The following TTC39C variants were observed in gnomAD, a reference collection of about 807,000 sequenced individuals.
The protein encoded by TTC39C is tetratricopeptide repeat domain 39C, also known as tetratricopeptide repeat protein 39C.
Under a neutral mutation model 76.3 loss-of-function variants are expected in TTC39C, and 33 were observed. That is an observed-to-expected ratio of 0.43 (90% CI 0.33 to 0.58). The LOEUF is 0.58. TTC39C is among the 20% of genes least tolerant of loss of function. The pLI is 0.04. For synonymous variants in TTC39C, 254 were observed against 260.6 expected, an observed-to-expected ratio of 0.97 and a Z score of 0.24; for missense variants, 595 against 701.4, an observed-to-expected ratio of 0.85 and a Z score of 1.71.
chr18:24,130,055 CAATAGAGGCT>C (rs1220228287), intron 11 of TTC39C, among the ~76,000 whole-genome samples: 2 of 152,092 alleles, frequency 1.3e-5, no homozygotes, highest in Non-Finnish European at 2.9e-5. Context: ...GTGATAAAAT[CAATAGAGGCT>C]AATATGTCCC....
Position 24,130,317 on chromosome 18 carries a change from TC to T in TTC39C, c.1525del (p.Gln509SerfsTer29). The T allele has an allele frequency of 1.3e-6, 2 of 1,558,858 alleles. No homozygotes were observed. The highest frequency in any genetic ancestry group is 1.7e-6 in the Non-Finnish European group (2 of 1,145,858). ...LGNSEDAVQYFQRAVKDELCR... is the reference protein window; with the variant it reads ...LGNSEDAVQYXQRAVKDELCR... Reference sequence around the variant, plus strand: ...TAACATTTGCATTCCTTTCAGTACTTCCAGCGAGCTGTTAAAGATGAATTGT... The same window carrying T: ...TAACATTTGCATTCCTTTCAGTACTTCAGCGAGCTGTTAAAGATGAATTGT... On this transcript the variant is annotated frameshift_variant, in exon 12 of 14. Coordinates refer to ENST00000317571, the MANE Select transcript of TTC39C (RefSeq NM_001135993.2). LOFTEE classifies it high-confidence loss of function.
chr18:24,116,271 G>T (rs1446625681), intron 7 of TTC39C, among the ~76,000 whole-genome samples: 4 of 152,226 alleles, frequency 2.6e-5, no homozygotes, highest in Non-Finnish European at 4.4e-5. Context: ...GGCCGGGCAC[G>T]GTGGCCCACG....
At chr18:24,087,670 C>T (rs1029477695) in intron 6 of TTC39C, among the ~76,000 whole-genome samples, 5 of 150,948 alleles carry the variant, frequency 3.3e-5, no homozygotes, top group Non-Finnish European at 7.4e-5. Flanking sequence ...CTGCAACCTC[C>T]GCCTCCCGGG....
intron 1 of TTC39C, among the ~76,000 whole-genome samples, chr18:24,044,270 G>C (rs781288981): frequency 6.6e-6 from 1 of 152,154 alleles, no homozygotes; most frequent in East Asian, 1.9e-4. Context: ...GCGAGGCAAA[G>C]ATCAGTGATG....
At chr18:24,120,479 C>A (rs1395422560) in intron 8 of TTC39C, among the ~76,000 whole-genome samples, 2 of 152,208 alleles carry the variant, frequency 1.3e-5, no homozygotes, top group Admixed American at 1.3e-4. Flanking sequence ...CAGGGCTTAG[C>A]TCCCCAGCAT....
At chr18:24,112,480 G>T (rs2145806233) in intron 6 of TTC39C, among the ~76,000 whole-genome samples, 1 of 152,302 alleles carries the variant, frequency 6.6e-6, no homozygotes, top group South Asian at 2.1e-4. Flanking sequence ...CTACCTCAGA[G>T]AGTTTGAAAG....
intron 1 of TTC39C, among the ~76,000 whole-genome samples, chr18:24,048,923 A>T (rs1778757106): frequency 6.6e-6 from 1 of 152,240 alleles, no homozygotes; most frequent in Non-Finnish European, 1.5e-5. Context: ...TTAAATTGGT[A>T]AAATTTAACA....
rs749166969 is a variant in TTC39C, at chr18:24,072,592, C to T, written c.460+3321C>T. On this transcript the variant is annotated intron_variant, in intron 4 of 13. Coordinates refer to ENST00000317571, the MANE Select transcript of TTC39C (RefSeq NM_001135993.2). ...GATTGCAGGCATGGGCCACCGTGCCCGGTCAATGCTTCTTACTTTTAAAAA... is the reference window on the plus strand; with the variant it reads ...GATTGCAGGCATGGGCCACCGTGCCTGGTCAATGCTTCTTACTTTTAAAAA... Among the ~76,000 whole-genome samples the T allele has an allele frequency of 5.9e-5, 9 of 152,286 alleles. No individual in the cohort carries two copies. The East Asian group carries it at 9.6e-4, about 16-fold the overall frequency.
chr18:23,995,249 C>A (rs2083252046), intron 1 of TTC39C, among the ~76,000 whole-genome samples: 1 of 152,144 alleles, frequency 6.6e-6, no homozygotes. Context: ...GGGTGGATCA[C>A]TTGAGGTCAG....
intron 6 of TTC39C, among the ~76,000 whole-genome samples, chr18:24,105,759 C>T (rs529996628): frequency 3.3e-4 from 51 of 152,336 alleles, no homozygotes; most frequent in Non-Finnish European, 5.9e-4. Flanking sequence ...TTGGTGTCTT[C>T]GTTTCCCACG....
chr18:24,051,003 C>T (rs955460492), intron 1 of TTC39C, among the ~76,000 whole-genome samples: 1 of 151,968 alleles, frequency 6.6e-6, no homozygotes, highest in Non-Finnish European at 1.5e-5. Context: ...TACGTGTGTG[C>T]TAGAAACGCA....
chr18:24,024,089 T>C (rs1364412856), intron 1 of TTC39C, among the ~76,000 whole-genome samples: 11 of 142,580 alleles, frequency 7.7e-5, no homozygotes, highest in Admixed American at 6.4e-4. Flanking sequence ...CTTGGCTCAC[T>C]GCAACCTCCA....
At chr18:24,018,746 T>C (rs571734819) in intron 1 of TTC39C, among the ~76,000 whole-genome samples, 1 of 152,084 alleles carries the variant, frequency 6.6e-6, no homozygotes, top group African/African-American at 2.4e-5. Flanking sequence ...GTGGTGAGGT[T>C]TAAACGGAAA....
chr18:24,106,771 A>T (rs2084749317), intron 6 of TTC39C, among the ~76,000 whole-genome samples: 1 of 151,896 alleles, frequency 6.6e-6, no homozygotes, highest in African/African-American at 2.4e-5. Flanking sequence ...TGCAACCTCC[A>T]CCTCCTGGGT....
At position 24,123,820 on chromosome 18, in the gene TTC39C, A is replaced by G. The variant is rs750773176; in HGVS notation, c.1187-14A>G. 1 of 1,578,538 alleles carries G rather than the reference A, an allele frequency of 6.3e-7. No homozygotes were observed. Among genetic ancestry groups the G allele is most frequent in the Non-Finnish European group, 8.6e-7 (1 of 1,157,606 alleles). The stretch of plus-strand genomic sequence containing the variant: ...TGACTTGTACTTAAGAAATATAATT[A>G]TGGTTTCTTACAGTTTGTCAGGGAG... On this transcript the variant is annotated splice_polypyrimidine_tract_variant and intron_variant, in intron 8 of 13. Coordinates refer to ENST00000317571, the MANE Select transcript of TTC39C (RefSeq NM_001135993.2).
chr18:24,022,533 TC>T, intron 1 of TTC39C: 2 of 984,830 alleles, frequency 2.0e-6, no homozygotes, highest in Middle Eastern at 5.2e-4. Context: ...TATCTACCTC[TC>T]TTACAGAACT....
chr18:24,006,228 G>A (rs1290195745), intron 1 of TTC39C: 2 of 152,038 alleles, frequency 1.3e-5, no homozygotes, highest in African/African-American at 4.8e-5. Flanking sequence ...GCTCAGGCTG[G>A]TCTCAAACTC....
At chr18:24,125,269 C>T (rs2085034702) in intron 9 of TTC39C, among the ~76,000 whole-genome samples, 158 bp from the exon 10 acceptor site, 1 of 152,176 alleles carries the variant, frequency 6.6e-6, no homozygotes, top group African/African-American at 2.4e-5. Context: ...AAATTGAAAG[C>T]AACATTTTTT....
chr18:24,061,581 A>G (rs1331811946), intron 1 of TTC39C, among the ~76,000 whole-genome samples: 1 of 120,948 alleles, frequency 8.3e-6, no homozygotes, highest in Non-Finnish European at 1.7e-5. Flanking sequence ...ACTTAGGATC[A>G]CTTGAAATAA....
Sources: gnomAD v4.1 joint callset for allele counts (sites outside exome capture counted in the v4.1 genomes callset) on GRCh38, gnomAD v4.1.1 for gene constraint, MANE v1.5 for transcripts, NCBI Gene and HGNC (gene_info 2026-07-23, HGNC 2026-07-21) for gene names.